Variants in UMODL1 observed in about 807,000 individuals in gnomAD.
The protein encoded by UMODL1 is uromodulin like 1.
UMODL1 carries 128 observed loss-of-function variants against 136.3 expected under a neutral mutation model. The ratio of observed to expected loss-of-function variants is 0.94; its 90% confidence interval spans 0.81 to 1.09. The LOEUF (loss-of-function observed/expected upper bound fraction) is 1.09, where lower values mean the gene tolerates loss of function less well. Ranked by LOEUF, UMODL1 falls within the 50% of genes least tolerant of loss-of-function variation. UMODL1 has a pLI of 0.00. For synonymous variants in UMODL1, 721 were observed against 720.0 expected (o/e 1.00, Z -0.02); for missense variants, 1,766 against 1,725.6 (o/e 1.02, Z -0.41).
intron 22 of UMODL1, among the ~76,000 whole-genome samples, chr21:42,141,006 C>A (rs1248308927): frequency 6.6e-6 from 1 of 152,224 alleles, no homozygotes; most frequent in Non-Finnish European, 1.5e-5. Context: ...AGCCCGCCCC[C>A]TCTTCGTCAG....
At position 42,100,073 on chromosome 21, in the gene UMODL1, C is replaced by T. The variant is rs552280809; in HGVS notation, c.1186+893C>T. Among the ~76,000 whole-genome samples the T allele has an allele frequency of 6.5e-4, 99 of 152,260 alleles. 2 individuals are homozygous for T. Among genetic ancestry groups the T allele is most frequent in the Middle Eastern group, 3.4e-3 (1 of 294 alleles). On this transcript the variant is annotated intron_variant, in intron 7 of 22. Coordinates refer to ENST00000408910, the MANE Select transcript of UMODL1 (RefSeq NM_001004416.3). Reference sequence around the variant, plus strand: ...TCTTGCTCCCCACTTGCCTGGTGCCCGTGGTGCCTAGACTTGGTCAGATGA... The same window carrying T: ...TCTTGCTCCCCACTTGCCTGGTGCCTGTGGTGCCTAGACTTGGTCAGATGA...
chr21:42,065,568 C>T (rs1436027532), intron 1 of UMODL1, among the ~76,000 whole-genome samples: 3 of 149,892 alleles, frequency 2.0e-5, no homozygotes, highest in Non-Finnish European at 4.4e-5. Context: ...GGCGGAGTCT[C>T]GCTCTGTCAC....
chr21:42,072,061 A>AAACC (rs1442282130), intron 1 of UMODL1, among the ~76,000 whole-genome samples: 1 of 151,082 alleles, frequency 6.6e-6, no homozygotes, highest in Non-Finnish European at 1.5e-5. Flanking sequence ...ACAAACAAAC[A>AAACC]AACAAAAAAA....
At chr21:42,080,407 C>T (rs1391633383) in intron 2 of UMODL1, among the ~76,000 whole-genome samples, 1 of 152,170 alleles carries the variant, frequency 6.6e-6, no homozygotes, top group Non-Finnish European at 1.5e-5. Flanking sequence ...ACCTCAGCTA[C>T]CCGGGGGTCT....
chr21:42,088,527 C>T (rs1445230395), intron 5 of UMODL1, 47 bp downstream of exon 5: 1 of 1,530,454 alleles, frequency 6.5e-7, no homozygotes, highest in Middle Eastern at 1.7e-4. Flanking sequence ...CAGGGTGGTG[C>T]CTGAACAGCC....
chr21:42,113,930 CTAGGTGTCATTGTTCTTCTCAGCT>C, intron 13 of UMODL1, 100 bp downstream of exon 13: 1 of 1,457,200 alleles, frequency 6.9e-7, no homozygotes, highest in Non-Finnish European at 9.2e-7. Flanking sequence ...TTATGGGCTG[CTAGGTGTCATTGTTCTTCTCAGCT>C]TAGGGACATC....
chr21:42,084,308 C>A (rs2066400190), intron 3 of UMODL1, 63 bp downstream of exon 3: 1 of 1,564,126 alleles, frequency 6.4e-7, no homozygotes, highest in African/African-American at 1.4e-5. Flanking sequence ...GAGGCCTGAT[C>A]TGTGTGAAGG....
rs1302182393 is a variant in UMODL1, at chr21:42,076,100, T to C, written c.172T>C (p.Tyr58His). 1 of 1,613,890 alleles carries C rather than the reference T, an allele frequency of 6.2e-7. No individual in the cohort carries two copies. Among genetic ancestry groups the C allele is most frequent in the Non-Finnish European group, 8.5e-7 (1 of 1,180,054 alleles). The stretch of plus-strand genomic sequence containing the variant: ...GGCCGTGCAGACGTCCTACACGTCC[T>C]ATGTGTCCTGCGGCGGCTGGATCCC... ...VEAVQTSYTS[Y>H]VSCGGWIPWR... Residue 58 changes from tyrosine (Y) to histidine (H), a missense_variant, in exon 2 of 23, where the codon TAT (tyrosine) becomes CAT (histidine). By Grantham distance (83) the Tyr-to-His change is moderately conservative (BLOSUM62 2). Transcript: ENST00000408910.
rs1426504167 is a variant in UMODL1 at position 42,127,124 on chromosome 21, A to G, written c.3412A>G (p.Arg1138Gly). The change falls in exon 19 of 23, where the codon AGG becomes GGG. Residue 1138 changes from arginine to glycine, a missense_variant. By Grantham distance (125) the Arg-to-Gly change is moderately radical. Coordinates refer to ENST00000408910, the MANE Select transcript of UMODL1 (RefSeq NM_001004416.3). ...TAGCGTGTCTGCCAGTGACGATGTCAGGATCGAAGTGGGGCTCTACAGGCA... is the reference window on the plus strand; with the variant it reads ...TAGCGTGTCTGCCAGTGACGATGTCGGGATCGAAGTGGGGCTCTACAGGCA... ...NYSVSASDDV[R>G]IEVGLYRQKS... The G allele has an allele frequency of 6.2e-7, 1 of 1,614,172 alleles. No homozygotes were observed. Among genetic ancestry groups the G allele is most frequent in the Admixed American group, 1.7e-5 (1 of 60,020 alleles).
chr21:42,104,739 C>T (rs967520563), intron 9 of UMODL1, among the ~76,000 whole-genome samples: 27 of 152,170 alleles, frequency 1.8e-4, no homozygotes, highest in African/African-American at 1.9e-4. Flanking sequence ...CGTGAGCCAC[C>T]GCGCCCGGCC....
At chr21:42,074,448 A>C (rs1244767409) in intron 1 of UMODL1, among the ~76,000 whole-genome samples, 3 of 152,222 alleles carry the variant, frequency 2.0e-5, no homozygotes, top group Non-Finnish European at 4.4e-5. Context: ...GGAGGAACAC[A>C]ATCAATTCAA....
intron 12 of UMODL1, among the ~76,000 whole-genome samples, chr21:42,112,188 C>A (rs1046445109): frequency 7.2e-5 from 11 of 151,752 alleles, no homozygotes; most frequent in Non-Finnish European, 1.3e-4. Context: ...GTCACCCTGC[C>A]AAGCATTCTG....
intron 21 of UMODL1, among the ~76,000 whole-genome samples, chr21:42,133,279 G>A (rs1484337480): frequency 3.9e-5 from 6 of 152,180 alleles, no homozygotes; most frequent in Admixed American, 2.6e-4. Context: ...GAGATCCCAC[G>A]CTCTGTCCCT....
chr21:42,135,047 A>C (rs1217157022), intron 21 of UMODL1, among the ~76,000 whole-genome samples: 4 of 152,186 alleles, frequency 2.6e-5, no homozygotes, highest in Non-Finnish European at 5.9e-5. Flanking sequence ...TAAGCCTCAC[A>C]TGCCTTCTTC....
At chr21:42,139,782 T>C (rs9975331) in intron 22 of UMODL1, among the ~76,000 whole-genome samples, 27,869 of 151,790 alleles carry the variant, frequency 0.18, 2,604 homozygotes, top group South Asian at 0.3. Context: ...AGGTGACTGG[T>C]CTCTAGCACT....
At chr21:42,067,053 C>T (rs983407465), upstream of UMODL1, among the ~76,000 whole-genome samples, 75 of 151,078 alleles carry the variant, frequency 5.0e-4, no homozygotes, top group African/African-American at 1.7e-3. Flanking sequence ...TGGCTCACTG[C>T]AACCTCCGCC....
In UMODL1 at chr21:42,123,226, G is replaced by C; in HGVS notation, c.3147+76G>C. 1 of 1,499,914 alleles carries C rather than the reference G, an allele frequency of 6.7e-7. No homozygotes were observed. Among genetic ancestry groups the C allele is most frequent in the Non-Finnish European group, 9.0e-7 (1 of 1,113,986 alleles). 92.9% of individuals were successfully genotyped at this position (1,499,914 alleles called of 1,614,324 possible). A position where few individuals can be genotyped will look rare whatever the true frequency, so the allele number is the denominator to read the frequency against. On this transcript the variant is annotated intron_variant, in intron 17 of 22. Coordinates refer to ENST00000408910, the MANE Select transcript of UMODL1 (RefSeq NM_001004416.3). The surrounding 1 kb of genome is among the most constrained non-coding windows in gnomAD (Gnocchi z 4.4). ...CTAGGTTACATGGGCCTCGATGTGG[G>C]AGGGCCAGGCAAGACTCTGCACCCC...
chr21:42,075,844 CA>C (rs1478407671), intron 1 of UMODL1, among the ~76,000 whole-genome samples, 160 bp from the exon 2 acceptor site: 2 of 152,272 alleles, frequency 1.3e-5, no homozygotes, highest in Non-Finnish European at 2.9e-5. Context: ...CACTAGCAGG[CA>C]AAGGCCAGTG....
At chr21:42,088,806 T>C (rs558342541) in intron 5 of UMODL1, among the ~76,000 whole-genome samples, 36 of 152,126 alleles carry the variant, frequency 2.4e-4, no homozygotes, top group Admixed American at 2.4e-3. Flanking sequence ...TCCATCCTAG[T>C]GGACACTGGA....
Sources: gnomAD v4.1 joint callset for allele counts (sites outside exome capture counted in the v4.1 genomes callset) on GRCh38, gnomAD v4.1.1 for gene constraint, Gnocchi (gnomAD v3.1) non-coding constraint, MANE v1.5 for transcripts, NCBI Gene and HGNC (gene_info 2026-07-23, HGNC 2026-07-21) for gene names.